The following SLCO2B1 variants were observed in gnomAD, a reference collection of about 807,000 sequenced individuals.
SLCO2B1 encodes OATP-RP2.
A neutral mutation model predicts 67.3 loss-of-function variants in SLCO2B1; 41 were observed. The observed-to-expected ratio is 0.61, with a 90% confidence interval of 0.47 to 0.79. The LOEUF is 0.79. SLCO2B1 is among the 30% of genes least tolerant of loss of function. The pLI, the probability that SLCO2B1 is intolerant of heterozygous loss-of-function variation, is 0.00. For missense variants in SLCO2B1, 837 were observed against 920.1 expected (o/e 0.91, Z 1.17); for synonymous variants, 379 against 381.4 (o/e 0.99, Z 0.07).
At position 75,165,752 on chromosome 11, in the gene SLCO2B1, G is replaced by C. The variant is rs757579656; in HGVS notation, c.286-35G>C. The C allele has an allele frequency of 9.9e-6, 16 of 1,610,672 alleles. No homozygotes were observed. The East Asian group carries it at 2.9e-4, about 29-fold the overall frequency. The stretch of plus-strand genomic sequence containing the variant: ...GTGCAGGCCCCCAGCCCTGGGAACT[G>C]TTCCACCTTAATGGGTCACCTCGTC... On this transcript the variant is annotated intron_variant, in intron 3 of 13. Coordinates refer to ENST00000289575, the MANE Select transcript of SLCO2B1 (RefSeq NM_007256.5).
intron 9 of SLCO2B1, among the ~76,000 whole-genome samples, chr11:75,194,573 C>T (rs1246946818): frequency 1.3e-5 from 2 of 149,776 alleles, no homozygotes; most frequent in Admixed American, 6.7e-5. Flanking sequence ...CCCTTTCATT[C>T]TCTGCCCCTC....
Position 75,203,381 on chromosome 11 carries a change from C to A in SLCO2B1, c.1903C>A (p.Arg635Ser). ...TGTGCACTGGGCCCTGAGCTGTGGG[C>A]GTCGAGCTGTCTGTCGCTACTACAA... The part of the protein sequence containing the change: ...TCVHWALSCG[R>S]RAVCRYYNND... The change falls in exon 13 of 14, where the codon CGT becomes AGT. Residue 635 changes from arginine (R) to serine (S), a missense_variant. Coordinates refer to ENST00000289575, the MANE Select transcript of SLCO2B1 (RefSeq NM_007256.5). The A allele has an allele frequency of 6.2e-7, 1 of 1,614,136 alleles. No homozygotes were observed. The highest frequency in any genetic ancestry group is 8.5e-7 in the Non-Finnish European group (1 of 1,180,010).
At chr11:75,190,132 G>A (rs1008657092) in intron 8 of SLCO2B1, among the ~76,000 whole-genome samples, 7 of 152,264 alleles carry the variant, frequency 4.6e-5, no homozygotes, top group South Asian at 2.1e-4. Context: ...TTAGGTCCCC[G>A]GCACTCTGCG....
At chr11:75,197,595 A>T (rs899595972) in intron 10 of SLCO2B1, among the ~76,000 whole-genome samples, 1 of 152,198 alleles carries the variant, frequency 6.6e-6, no homozygotes, top group Admixed American at 6.5e-5. Flanking sequence ...GAAGCCATGG[A>T]TGGGTTTTCA....
intron 7 of SLCO2B1, among the ~76,000 whole-genome samples, chr11:75,181,456 T>C: frequency 6.6e-6 from 1 of 152,068 alleles, no homozygotes; most frequent in Non-Finnish European, 1.5e-5. Flanking sequence ...AAACACTCTC[T>C]TTCATGGGGT....
intron 7 of SLCO2B1, among the ~76,000 whole-genome samples, chr11:75,181,372 CAAA>C (rs11369857): frequency 2.3e-5 from 3 of 128,656 alleles, no homozygotes; most frequent in Non-Finnish European, 3.2e-5. Flanking sequence ...GACTCTGCCT[CAAA>C]AAAAAAAAAA....
At position 75,204,512 on chromosome 11, in the gene SLCO2B1, A is replaced by T; in HGVS notation, c.2062A>T (p.Ser688Cys). ...KEARTKESRS[S>C]PAVEQQLLVS... ...GGCAAGGACCAAAGAGAGCAGATCC[A>T]GCCCTGCCGTAGAGCAGCAATTGCT... Residue 688 changes from serine to cysteine, a missense_variant, in exon 14 of 14, where the codon AGC (serine) becomes TGC (cysteine). Coordinates refer to ENST00000289575, the MANE Select transcript of SLCO2B1 (RefSeq NM_007256.5). 6.2e-7 allele frequency: 1 copy of T among 1,613,470 alleles called. No homozygotes were observed. Among genetic ancestry groups the T allele is most frequent in the Non-Finnish European group, 8.5e-7 (1 of 1,179,670 alleles).
intron 7 of SLCO2B1, among the ~76,000 whole-genome samples, chr11:75,177,065 C>A (rs1422557262): frequency 2.0e-5 from 3 of 152,082 alleles, no homozygotes; most frequent in African/African-American, 7.2e-5. Flanking sequence ...CCTGTTGGGG[C>A]AATCTGCTTG....
intron 8 of SLCO2B1, among the ~76,000 whole-genome samples, chr11:75,192,750 T>C (rs974929776): frequency 2.0e-5 from 3 of 152,122 alleles, no homozygotes; most frequent in Admixed American, 6.5e-5. Flanking sequence ...ATTTCAAAAA[T>C]GAACTGGAAC....
At chr11:75,163,514 CA>C (rs1165326699) in intron 2 of SLCO2B1, among the ~76,000 whole-genome samples, 1 of 151,852 alleles carries the variant, frequency 6.6e-6, no homozygotes, top group Non-Finnish European at 1.5e-5. Flanking sequence ...GAGAGAGGGG[CA>C]GGATGGTGGA....
At chr11:75,182,017 C>T (rs1265631469) in intron 7 of SLCO2B1, among the ~76,000 whole-genome samples, 5 of 152,236 alleles carry the variant, frequency 3.3e-5, no homozygotes, top group African/African-American at 7.2e-5. Flanking sequence ...CCAAACCACC[C>T]GAGTCTGGCT....
At chr11:75,167,575 G>A (rs967959991) in intron 4 of SLCO2B1, among the ~76,000 whole-genome samples, 2 of 152,184 alleles carry the variant, frequency 1.3e-5, no homozygotes, top group African/African-American at 4.8e-5. Flanking sequence ...TACTGATGAA[G>A]TTGTGTTCTG....
At chr11:75,194,559 C>T (rs1945074422) in intron 9 of SLCO2B1, among the ~76,000 whole-genome samples, 1 of 152,034 alleles carries the variant, frequency 6.6e-6, no homozygotes, top group African/African-American at 2.4e-5. Context: ...CCCCTCCCTC[C>T]TCCCCCTTTC....
In SLCO2B1 at chr11:75,193,436, G is replaced by A. The variant is rs779427466; in HGVS notation, c.1294G>A (p.Val432Ile). 7 of 1,613,692 alleles carry A rather than the reference G, an allele frequency of 4.3e-6. No individual in the cohort carries two copies. Among genetic ancestry groups the A allele is most frequent in the Non-Finnish European group, 4.2e-6 (5 of 1,179,770 alleles). The change falls in exon 9 of 14, where the codon GTC becomes ATC. Residue 432 changes from valine (V) to isoleucine (I), a missense_variant. By Grantham distance (29) the Val-to-Ile change is conservative (BLOSUM62 3). Transcript: ENST00000289575. The surrounding 1 kb of genome is among the most constrained non-coding windows in gnomAD (Gnocchi z 4.2). ...IVGIVVGGVLVKRLHLGPVGC... is the reference protein window; with the variant it reads ...IVGIVVGGVLIKRLHLGPVGC... The stretch of plus-strand genomic sequence containing the variant: ...GGGCATCGTGGTGGGTGGCGTCCTG[G>A]TCAAGCGGCTCCACCTGGGCCCTGT...
intron 4 of SLCO2B1, among the ~76,000 whole-genome samples, chr11:75,166,265 C>T (rs909764814): frequency 4.6e-5 from 7 of 152,238 alleles, no homozygotes; most frequent in East Asian, 1.9e-4. Flanking sequence ...GTAGACCCTC[C>T]GGAATTGCGT....
At chr11:75,192,229 C>T (rs958199905) in intron 8 of SLCO2B1, among the ~76,000 whole-genome samples, 3 of 152,228 alleles carry the variant, frequency 2.0e-5, no homozygotes, top group Non-Finnish European at 4.4e-5. Context: ...CATTTGATCA[C>T]ATATTAGTCC....
chr11:75,185,768 G>A (rs572583315), intron 7 of SLCO2B1, among the ~76,000 whole-genome samples: 5 of 152,208 alleles, frequency 3.3e-5, no homozygotes, highest in East Asian at 1.9e-4. Context: ...GAGGAGGAAC[G>A]CGTCCACCCT....
chr11:75,151,627 C>T (rs1052908613), intron 1 of SLCO2B1, among the ~76,000 whole-genome samples: 2 of 152,152 alleles, frequency 1.3e-5, no homozygotes, highest in Non-Finnish European at 2.9e-5. Context: ...GGGAACCCAG[C>T]CAAACCTCGT....
At chr11:75,180,631 G>A (rs1950081359) in intron 7 of SLCO2B1, among the ~76,000 whole-genome samples, 1 of 152,102 alleles carries the variant, frequency 6.6e-6, no homozygotes, top group Non-Finnish European at 1.5e-5. Context: ...TATCCTACTT[G>A]CACTATAGTC....
Sources: gnomAD v4.1 joint callset for allele counts (sites outside exome capture counted in the v4.1 genomes callset) on GRCh38, gnomAD v4.1.1 for gene constraint, Gnocchi (gnomAD v3.1) non-coding constraint, MANE v1.5 for transcripts, NCBI Gene and HGNC (gene_info 2026-07-23, HGNC 2026-07-21) for gene names.